Variants in DNTT observed in about 807,000 individuals in gnomAD.
DNTT encodes the protein DNA nucleotidylexotransferase.
DNTT carries 47 observed loss-of-function variants against 60.9 expected under a neutral mutation model. The observed-to-expected ratio is 0.77, with a 90% CI of 0.61 to 0.98. The LOEUF is 0.98. Among genes scored for constraint, DNTT ranks in the 50% least tolerant of loss-of-function variants. The pLI is 0.00. For synonymous variants in DNTT, 224 were observed against 221.2 expected (o/e 1.01, Z -0.11); for missense variants, 665 against 627.5 (o/e 1.06, Z -0.64).
chr10:96,335,792 GT>G, intron 9 of DNTT, 98 bp from the exon 10 acceptor site: 1 of 1,353,774 alleles, frequency 7.4e-7, no homozygotes, highest in Non-Finnish European at 1.1e-6. Flanking sequence ...CTTTGAGAAT[GT>G]TTAGTGGAGT....
Position 96,333,748 on chromosome 10 carries a change from T to C in DNTT, c.1359+1152T>C, listed in dbSNP as rs543288811. Among the ~76,000 whole-genome samples, 6 of 152,258 alleles carry C rather than the reference T, an allele frequency of 3.9e-5. No homozygotes were observed. In the East Asian group the frequency reaches 5.8e-4, roughly 15 times the overall value. On this transcript the variant is annotated intron_variant, in intron 9 of 10. Coordinates refer to ENST00000371174, the MANE Select transcript of DNTT (RefSeq NM_004088.4). ...CAAATACTGTATGATCTCGTTTCTG[T>C]ATATGTAGAATCTAAAACAGTCAAA...
chr10:96,308,656 C>T (rs2133982523), intron 1 of DNTT, among the ~76,000 whole-genome samples: 1 of 152,330 alleles, frequency 6.6e-6, no homozygotes, highest in Non-Finnish European at 1.5e-5. Flanking sequence ...CTGTTTATTT[C>T]ACCTGGGTGC....
intron 5 of DNTT, 116 bp from the exon 6 acceptor site, chr10:96,324,150 A>G: frequency 7.4e-7 from 1 of 1,359,068 alleles, no homozygotes; most frequent in Non-Finnish European, 9.9e-7. Flanking sequence ...AGGAGAAACT[A>G]GGTCAAAGAT....
intron 7 of DNTT, 115 bp downstream of exon 7, chr10:96,327,715 C>T (rs945432063): frequency 6.8e-7 from 1 of 1,463,120 alleles, no homozygotes; most frequent in Non-Finnish European, 9.1e-7. Context: ...CTTCTTTCTA[C>T]AGCTTTATCT....
chr10:96,324,354 AC>A lies in DNTT; in HGVS notation c.840del (p.Asp280GlufsTer4), dbSNP rs1844915537. 3 of 1,613,922 alleles carry A rather than the reference AC, an allele frequency of 1.9e-6. No homozygotes were observed. Among genetic ancestry groups the A allele is most frequent in the Non-Finnish European group, 2.5e-6 (3 of 1,179,832 alleles). On this transcript the variant is annotated frameshift_variant, in exon 6 of 11. Transcript: ENST00000371174. LOFTEE classifies it high-confidence loss of function. ...GFRTLSKVRSDKSLKFTRMQK... is the reference protein window; with the variant it reads ...GFRTLSKVRSXKSLKFTRMQK... ...AGAACTCTGAGTAAAGTAAGGTCGG[AC>A]AAAAGCCTGAAATTTACACGAATGC...
rs769263832 is a variant in DNTT at position 96,335,953 on chromosome 10, T to TGACA, written c.1423_1424insACAG (p.Ala475AspfsTer5). 5.8e-5 allele frequency: 93 copies of TGACA among 1,614,084 alleles called. No homozygotes were observed. Among genetic ancestry groups the TGACA allele is most frequent in the Non-Finnish European group, 7.5e-5 (89 of 1,180,032 alleles). ...AGCGGAAGATGATTCTGGATAACCA[T>TGACA]GCTTTATATGACAAGACCAAGGTAC... On this transcript the variant is annotated frameshift_variant, in exon 10 of 11. Transcript: ENST00000371174. LOFTEE classifies it high-confidence loss of function.
intron 6 of DNTT, among the ~76,000 whole-genome samples, chr10:96,326,359 A>C (rs1844939110): frequency 6.6e-6 from 1 of 152,228 alleles, no homozygotes; most frequent in African/African-American, 2.4e-5. Context: ...TGAAATAAAG[A>C]AAGTAGTGTT....
At position 96,320,661 on chromosome 10, in the gene DNTT, A is replaced by G. The variant is rs770488781; in HGVS notation, c.551A>G (p.Asn184Ser). The change falls in exon 4 of 11, where the codon AAT (asparagine) becomes AGT (serine). Residue 184 changes from asparagine (N) to serine (S), a missense_variant. Asn to Ser is a conservative substitution (Grantham distance 46, BLOSUM62 1). Transcript: ENST00000371174. ...GCTGAAAACTGTGAGTTTAGAGAAAATGAAGACTCCTGTGTGACATTTATG... is the reference window on the plus strand; with the variant it reads ...GCTGAAAACTGTGAGTTTAGAGAAAGTGAAGACTCCTGTGTGACATTTATG... The part of the protein sequence containing the change: ...ILAENCEFRE[N>S]EDSCVTFMRA... 2 of 1,613,846 alleles carry G rather than the reference A, an allele frequency of 1.2e-6. No homozygotes were observed. The highest frequency in any genetic ancestry group is 1.1e-5 in the South Asian group (1 of 91,056).
At chr10:96,325,722 C>A (rs780378987) in intron 6 of DNTT, among the ~76,000 whole-genome samples, 8 of 152,302 alleles carry the variant, frequency 5.3e-5, no homozygotes, top group Non-Finnish European at 8.8e-5. Context: ...TATACTTATA[C>A]CCCCACAAGT....
chr10:96,336,044 T>C, intron 10 of DNTT, 70 bp downstream of exon 10: 2 of 1,462,926 alleles, frequency 1.4e-6, no homozygotes, highest in South Asian at 1.1e-5. Flanking sequence ...GCTTTTTTCA[T>C]GGACTGATTT....
chr10:96,324,184 C>A, intron 5 of DNTT, 82 bp from the exon 6 acceptor site: 1 of 1,481,156 alleles, frequency 6.8e-7, no homozygotes, highest in Non-Finnish European at 9.0e-7. Flanking sequence ...TTCTTCATTG[C>A]CTGAGACCTA....
chr10:96,332,059 C>A (rs1225633645), intron 8 of DNTT, among the ~76,000 whole-genome samples: 1 of 152,142 alleles, frequency 6.6e-6, no homozygotes, highest in East Asian at 1.9e-4. Context: ...TGAGGAGAGC[C>A]CAGAGCACTA....
chr10:96,320,512 G>T (rs141333454), intron 3 of DNTT, 106 bp from the exon 4 acceptor site: 1 of 1,315,124 alleles, frequency 7.6e-7, no homozygotes, highest in South Asian at 1.4e-5. Context: ...AAGGAAACAC[G>T]CAAGTGGTAT....
At position 96,324,356 on chromosome 10, in the gene DNTT, A is replaced by G; in HGVS notation, c.841A>G (p.Lys281Glu). The G allele has an allele frequency of 1.2e-6, 2 of 1,613,922 alleles. No homozygotes were observed. The highest frequency in any genetic ancestry group is 1.1e-5 in the South Asian group (1 of 91,072). ...FRTLSKVRSD[K>E]SLKFTRMQKA... ...AACTCTGAGTAAAGTAAGGTCGGAC[A>G]AAAGCCTGAAATTTACACGAATGCA... is the stretch of plus-strand genomic sequence containing the variant. The change falls in exon 6 of 11, where the codon AAA becomes GAA. Residue 281 changes from lysine (K) to glutamate (E), a missense_variant. Coordinates refer to ENST00000371174, the MANE Select transcript of DNTT (RefSeq NM_004088.4).
At chr10:96,325,688 A>G (rs934629217) in intron 6 of DNTT, among the ~76,000 whole-genome samples, 1 of 152,260 alleles carries the variant, frequency 6.6e-6, no homozygotes, top group African/African-American at 2.4e-5. Context: ...AGTTCTATGC[A>G]GAAATCAAGG....
At position 96,336,757 on chromosome 10, in the gene DNTT, C is replaced by T. The variant is rs144609875; in HGVS notation, c.1443+783C>T. Among the ~76,000 whole-genome samples, 484 of 152,054 alleles carry T rather than the reference C, an allele frequency of 3.2e-3. 6 individuals carry two copies. Among genetic ancestry groups the T allele is most frequent in the Middle Eastern group, 0.024 (7 of 294 alleles). ...AGGTCAGGAGTTCAAGATCAGCCAACATGGTGAAACCCCATCTCTACTAAA... is the reference window on the plus strand; with the variant it reads ...AGGTCAGGAGTTCAAGATCAGCCAATATGGTGAAACCCCATCTCTACTAAA... On this transcript the variant is annotated intron_variant, in intron 10 of 10. Transcript: ENST00000371174.
intron 1 of DNTT, among the ~76,000 whole-genome samples, chr10:96,309,806 G>T (rs546425819): frequency 6.6e-6 from 1 of 152,344 alleles, no homozygotes; most frequent in South Asian, 2.1e-4. Context: ...ACTGCCAGGA[G>T]AATGTCCTGT....
chr10:96,338,053 T>C (rs1458203748), intron 10 of DNTT, 85 bp from the exon 11 acceptor site: 11 of 1,207,786 alleles, frequency 9.1e-6, no homozygotes, highest in Non-Finnish European at 5.8e-6. Flanking sequence ...GACAAGGCAA[T>C]TTTATAAGTA....
chr10:96,319,209 T>C lies in DNTT; in HGVS notation c.379-53T>C, dbSNP rs1019404721. 3.8e-6 allele frequency: 6 copies of C among 1,588,406 alleles called. No individual in the cohort carries two copies. In the African/African-American group the frequency reaches 4.0e-5, roughly 11 times the overall value. ...TACTTCCAAATTTTTTCCGTACATA[T>C]CTGTTATTACTATTAATTTTTATTG... On this transcript the variant is annotated intron_variant, in intron 2 of 10. Transcript: ENST00000371174.
Sources: gnomAD v4.1 joint callset for allele counts (sites outside exome capture counted in the v4.1 genomes callset) on GRCh38, gnomAD v4.1.1 for gene constraint, MANE v1.5 for transcripts, NCBI Gene and HGNC (gene_info 2026-07-23, HGNC 2026-07-21) for gene names.